AP2A2: variants seen among roughly 807,000 people sequenced by gnomAD.
AP2A2 encodes the protein AP-2 complex subunit alpha-2.
Under a neutral mutation model 104.2 loss-of-function variants are expected in AP2A2, and 32 were observed. The ratio of observed to expected loss-of-function variants is 0.31; its 90% confidence interval spans 0.23 to 0.41. AP2A2 has a LOEUF of 0.41. Among genes scored for constraint, AP2A2 ranks in the 10% least tolerant of loss-of-function variants. AP2A2 has a pLI of 1.00. For missense variants in AP2A2, 912 were observed against 1,261.0 expected, an observed-to-expected ratio of 0.72 and a Z score of 4.19; for synonymous variants, 539 against 533.3, an observed-to-expected ratio of 1.01 and a Z score of -0.15.
At chr11:977,417 G>C (rs1270532822) in intron 5 of AP2A2, among the ~76,000 whole-genome samples, 193 bp downstream of exon 5, 1 of 151,546 alleles carries the variant, frequency 6.6e-6, no homozygotes, top group Non-Finnish European at 1.5e-5. Context: ...CTCATCCTGT[G>C]GCCAGGCATT....
Position 993,569 on chromosome 11 carries a change from G to T in AP2A2, c.1551-185G>T, listed in dbSNP as rs918355478. ...AGGGATTCTAGTAGAAAATGGAGACGTGGGGTTGATGGCTGACTTAGTGAA... is the reference window on the plus strand; with the variant it reads ...AGGGATTCTAGTAGAAAATGGAGACTTGGGGTTGATGGCTGACTTAGTGAA... On this transcript the variant is annotated intron_variant, in intron 12 of 21. Coordinates refer to ENST00000448903, the MANE Select transcript of AP2A2 (RefSeq NM_012305.4). This position sits in a 1 kb window ranked among gnomAD's most constrained non-coding sequence, Gnocchi z 8.2. Among the ~76,000 whole-genome samples, 1 of 152,164 alleles carries T rather than the reference G, an allele frequency of 6.6e-6. No individual in the cohort carries two copies. The highest frequency in any genetic ancestry group is 6.5e-5 in the Admixed American group (1 of 15,288).
chr11:974,698 A>AAAG lies in AP2A2; in HGVS notation c.474-2395_474-2394insGAA, dbSNP rs1564802850. On this transcript the variant is annotated intron_variant, in intron 4 of 21. Transcript: ENST00000448903. Reference sequence around the variant, plus strand: ...ACTCTGTCTCAAAAAAAAAAAAAAAAAAAGAAAGCTGGGCATGGTGGCTCA... The same window carrying AAAG: ...ACTCTGTCTCAAAAAAAAAAAAAAAAAAGAAAGAAAGCTGGGCATGGTGGCTCA... 7.3e-5 allele frequency among the ~76,000 whole-genome samples: 10 copies of AAAG among 137,198 alleles called. 1 individual carries two copies. The highest frequency in any genetic ancestry group is 9.3e-5 in the Non-Finnish European group (6 of 64,406). The allele number at this position is 137,198 out of a possible 152,430, so 90.0% of individuals were successfully genotyped here. A position where few individuals can be genotyped will look rare whatever the true frequency, so the allele number is the denominator to read the frequency against.
intron 20 of AP2A2, 115 bp downstream of exon 20, chr11:1,009,512 G>A: frequency 7.4e-7 from 1 of 1,348,202 alleles, no homozygotes; most frequent in South Asian, 1.3e-5. Flanking sequence ...AGGGTCTGGA[G>A]GGACGGCCCC....
At chr11:979,124 G>A (rs553594807) in intron 5 of AP2A2, among the ~76,000 whole-genome samples, 1 of 151,776 alleles carries the variant, frequency 6.6e-6, no homozygotes, top group East Asian at 1.9e-4. Context: ...CACGTGTCGC[G>A]GGCCTGAGTG....
At chr11:964,173 G>T (rs376441149) in intron 2 of AP2A2, among the ~76,000 whole-genome samples, 1 of 152,100 alleles carries the variant, frequency 6.6e-6, no homozygotes, top group Non-Finnish European at 1.5e-5. Flanking sequence ...CAGACTTGCC[G>T]CTGGGTGTCT....
In AP2A2 at chr11:992,495, C is replaced by T. The variant is rs758420693; in HGVS notation, c.1270-8C>T. On this transcript the variant is annotated splice_region_variant and splice_polypyrimidine_tract_variant and intron_variant, in intron 10 of 21. Transcript: ENST00000448903. This position sits in a 1 kb window ranked among gnomAD's most constrained non-coding sequence, Gnocchi z 6.4. ...AGGTGCCGGCCCTCAGCAGCCTGTC[C>T]CCCACAGGTGCTGAAGGTCGCCATC... is the stretch of plus-strand genomic sequence containing the variant. The T allele has an allele frequency of 3.8e-6, 6 of 1,577,654 alleles. No individual in the cohort carries two copies. The East Asian group carries it at 9.3e-5, about 24-fold the overall frequency.
At chr11:952,931 A>T (rs528694194) in intron 1 of AP2A2, among the ~76,000 whole-genome samples, 2 of 152,180 alleles carry the variant, frequency 1.3e-5, no homozygotes, top group African/African-American at 2.4e-5. Flanking sequence ...AGTGGCACGA[A>T]TTGGTGCCTG....
chr11:945,195 C>A (rs1853790714), intron 1 of AP2A2, among the ~76,000 whole-genome samples: 1 of 152,006 alleles, frequency 6.6e-6, no homozygotes, highest in Non-Finnish European at 1.5e-5. Context: ...TTGAGGGTGA[C>A]TCCTAGCGTG....
intron 1 of AP2A2, among the ~76,000 whole-genome samples, chr11:929,570 G>A (rs1853221541): frequency 6.6e-6 from 1 of 152,234 alleles, no homozygotes; most frequent in Non-Finnish European, 1.5e-5. Context: ...GCGTCTTTCT[G>A]ACCAGTTTCT....
chr11:964,770 A>G (rs1854555847), intron 2 of AP2A2, among the ~76,000 whole-genome samples: 2 of 148,482 alleles, frequency 1.3e-5, no homozygotes, highest in African/African-American at 2.5e-5. Flanking sequence ...GTGTTAAAGG[A>G]AATGCCAAAG....
intron 9 of AP2A2, 33 bp downstream of exon 9, chr11:986,986 C>T: frequency 1.3e-6 from 2 of 1,545,698 alleles, no homozygotes; most frequent in Non-Finnish European, 1.8e-6. Context: ...CTGCTCACTC[C>T]CTGAGCAGGT....
At chr11:1,008,629 G>A (rs145329579) in intron 18 of AP2A2, 57 of 205,462 alleles carry the variant, frequency 2.8e-4, no homozygotes, top group African/African-American at 1.2e-3. Context: ...TACAAATAGC[G>A]TGGATACAGT....
chr11:946,940 A>G (rs1853859867), intron 1 of AP2A2: 2 of 151,840 alleles, frequency 1.3e-5, no homozygotes, highest in East Asian at 1.9e-4. Context: ...GAAGACAGCT[A>G]CATATGTCAA....
In AP2A2 at chr11:988,580, G is replaced by A. The variant is rs376073560; in HGVS notation, c.1160G>A (p.Arg387Gln). 4.5e-5 allele frequency: 72 copies of A among 1,612,668 alleles called. No individual in the cohort carries two copies. Among genetic ancestry groups the A allele is most frequent in the South Asian group, 8.8e-5 (8 of 91,086 alleles). Residue 387 changes from arginine (R) to glutamine (Q), a missense_variant, in exon 10 of 22, where the codon CGG (arginine) becomes CAG (glutamine). By Grantham distance (43) the Arg-to-Gln change is conservative (BLOSUM62 1). Coordinates refer to ENST00000448903, the MANE Select transcript of AP2A2 (RefSeq NM_012305.4). ...GAGCGGGACGTGAGCGTGCGGCAGC[G>A]GGCCGTGGACCTCCTCTACGCCATG... ...KTERDVSVRQ[R>Q]AVDLLYAMCD...
chr11:960,220 T>C (rs1478541708), intron 2 of AP2A2, among the ~76,000 whole-genome samples: 1 of 150,432 alleles, frequency 6.6e-6, no homozygotes. Flanking sequence ...GGCTTGAGAA[T>C]GGATATCCAG....
Position 993,293 on chromosome 11 carries a change from G to A in AP2A2, c.1462G>A (p.Ala488Thr), listed in dbSNP as rs754771846. Residue 488 changes from alanine to threonine, a missense_variant, in exon 12 of 22, where the codon GCT (alanine) becomes ACT (threonine). Physicochemically the swap from Ala to Thr is moderately conservative, Grantham distance 58. This residue lies in a region of AP2A2 where 137 missense variants were observed against 186.9 expected (regional missense o/e 0.73). Coordinates refer to ENST00000448903, the MANE Select transcript of AP2A2 (RefSeq NM_012305.4). This position sits in a 1 kb window ranked among gnomAD's most constrained non-coding sequence, Gnocchi z 8.2. ...TGTTTGTGCTTCGCAGGCTCTTCAG[G>A]CTCCCGCGTGCCACGAGAACCTGGT... ...AAKTVFEALQ[A>T]PACHENLVKV... is the part of the protein sequence containing the mutation. 6.2e-7 allele frequency: 1 copy of A among 1,608,372 alleles called. No individual in the cohort carries two copies. The highest frequency in any genetic ancestry group is 1.7e-5 in the Admixed American group (1 of 58,172).
At position 986,866 on chromosome 11, in the gene AP2A2, C is replaced by T. The variant is rs777218143; in HGVS notation, c.1044C>T (p.Ala348=). 8 of 1,611,386 alleles carry T rather than the reference C, an allele frequency of 5.0e-6. No homozygotes were observed. The highest frequency in any genetic ancestry group is 6.8e-6 in the Non-Finnish European group (8 of 1,179,086). The change falls in exon 9 of 22, where the codon GCC becomes GCT. Residue 348 remains alanine (A), a synonymous_variant. Transcript: ENST00000448903. ...QHRETNLRYL[A]LESMCTLASS... ...GCGAGACCAACCTGCGCTACCTGGC[C>T]CTGGAGAGCATGTGCACGCTGGCCA...
rs1356364404 is a variant in AP2A2 at position 968,153 on chromosome 11, C to T, written c.137-2016C>T. On this transcript the variant is annotated intron_variant, in intron 2 of 21. Transcript: ENST00000448903. The surrounding 1 kb of genome is among the most constrained non-coding windows in gnomAD (Gnocchi z 4.2). Reference sequence around the variant, plus strand: ...ACGTGCTGCCACATGAGCAGCGGGCCGAGCACTGTGGCTTTCTCCTCGCGC... The same window carrying T: ...ACGTGCTGCCACATGAGCAGCGGGCTGAGCACTGTGGCTTTCTCCTCGCGC... Among the ~76,000 whole-genome samples, 1 of 152,164 alleles carries T rather than the reference C, an allele frequency of 6.6e-6. No homozygotes were observed. Among genetic ancestry groups the T allele is most frequent in the Non-Finnish European group, 1.5e-5 (1 of 68,028 alleles).
Position 985,459 on chromosome 11 carries a change from C to G in AP2A2, c.839C>G (p.Thr280Ser). 1.2e-6 allele frequency: 2 copies of G among 1,613,988 alleles called. No individual in the cohort carries two copies. Among genetic ancestry groups the G allele is most frequent in the East Asian group, 2.2e-5 (1 of 44,880 alleles). The stretch of plus-strand genomic sequence containing the variant: ...GACCCTGCAGTGCGAGGCCGCCTGA[C>G]TGAGTGCCTGGAGACCATCCTGAAC... ...PPDPAVRGRL[T>S]ECLETILNKA... The change falls in exon 8 of 22, where the codon ACT (threonine) becomes AGT (serine). Residue 280 changes from threonine (T) to serine (S), a missense_variant. Physicochemically the swap from Thr to Ser is moderately conservative, Grantham distance 58. Transcript: ENST00000448903.
Sources: gnomAD v4.1 joint callset for allele counts (sites outside exome capture counted in the v4.1 genomes callset) on GRCh38, gnomAD v4.1.1 for gene constraint, gnomAD v4.1.1 regional missense constraint, Gnocchi (gnomAD v3.1) non-coding constraint, MANE v1.5 for transcripts, NCBI Gene and HGNC (gene_info 2026-07-23, HGNC 2026-07-21) for gene names.